Variants in PGBD5 observed in about 807,000 individuals in gnomAD.
The protein encoded by PGBD5 is piggyBac transposable element-derived protein 5.
Under a neutral mutation model 47.9 loss-of-function variants are expected in PGBD5, and 14 were observed. The observed-to-expected ratio is 0.29, with a 90% CI of 0.19 to 0.46. PGBD5 has a LOEUF of 0.46. PGBD5 is among the 20% of genes least tolerant of loss of function. The probability of loss-of-function intolerance (pLI) is 1.00; values close to 1 mark genes in which losing one functional copy is unlikely to be tolerated. For synonymous variants in PGBD5, 316 were observed against 306.3 expected (o/e 1.03, Z -0.33); for missense variants, 635 against 716.0 (o/e 0.89, Z 1.29).
At chr1:230,328,872 C>G (rs949444268) in intron 5 of PGBD5, among the ~76,000 whole-genome samples, 1 of 152,048 alleles carries the variant, frequency 6.6e-6, no homozygotes, top group African/African-American at 2.4e-5. Context: ...AGGTGGATTT[C>G]GAAAGAAAAG....
At chr1:230,330,999 C>A (rs1242194415) in intron 5 of PGBD5, among the ~76,000 whole-genome samples, 1 of 152,110 alleles carries the variant, frequency 6.6e-6, no homozygotes, top group African/African-American at 2.4e-5. Context: ...CATCTTAAAT[C>A]CTGGAGAGGA....
chr1:230,419,635 C>T (rs980696232), intron 1 of PGBD5, among the ~76,000 whole-genome samples: 8 of 152,134 alleles, frequency 5.3e-5, no homozygotes, highest in Non-Finnish European at 8.8e-5. Flanking sequence ...TGGTGGGCAT[C>T]GCATACCGGT....
intron 1 of PGBD5, among the ~76,000 whole-genome samples, chr1:230,410,914 G>A (rs1024470234): frequency 6.6e-6 from 1 of 152,128 alleles, no homozygotes; most frequent in Non-Finnish European, 1.5e-5. Flanking sequence ...GCCCAATTAA[G>A]CATAAGATAA....
At chr1:230,368,981 A>G (rs1178386421) in intron 1 of PGBD5, among the ~76,000 whole-genome samples, 1 of 152,254 alleles carries the variant, frequency 6.6e-6, no homozygotes, top group East Asian at 1.9e-4. Flanking sequence ...ACCCTATCTT[A>G]GCACTGAAAA....
chr1:230,333,130 G>A (rs1179173461), intron 4 of PGBD5, 89 bp from the exon 5 acceptor site: 6 of 1,353,066 alleles, frequency 4.4e-6, no homozygotes, highest in South Asian at 1.4e-5. Flanking sequence ...AGGAAAGGAC[G>A]GGACTGCCCG....
chr1:230,396,319 A>C (rs1571858099), intron 1 of PGBD5, among the ~76,000 whole-genome samples: 2 of 93,026 alleles, frequency 2.1e-5, no homozygotes, highest in African/African-American at 8.7e-5. Flanking sequence ...CTTTTACCCC[A>C]CACTCCTTCT....
intron 3 of PGBD5, among the ~76,000 whole-genome samples, chr1:230,344,769 C>T (rs1227483140): frequency 6.6e-6 from 1 of 152,170 alleles, no homozygotes; most frequent in South Asian, 2.1e-4. Flanking sequence ...TGCCCATCTA[C>T]TTCCGGAGTA....
chr1:230,336,554 C>T (rs1667327718), intron 4 of PGBD5, among the ~76,000 whole-genome samples: 1 of 152,172 alleles, frequency 6.6e-6, no homozygotes, highest in South Asian at 2.1e-4. Flanking sequence ...CTGAACTGGT[C>T]CAGATCTTCT....
At chr1:230,367,763 C>T (rs1233717022) in intron 1 of PGBD5, among the ~76,000 whole-genome samples, 1 of 152,140 alleles carries the variant, frequency 6.6e-6, no homozygotes, top group Non-Finnish European at 1.5e-5. Flanking sequence ...CCAACAATGT[C>T]CTTGACAGAA....
chr1:230,325,508 C>T, intron 5 of PGBD5, 93 bp from the exon 6 acceptor site: 1 of 856,268 alleles, frequency 1.2e-6, no homozygotes, highest in Non-Finnish European at 1.9e-6. Context: ...TTAGCTGCTC[C>T]CAACTTAATA....
chr1:230,328,958 A>T (rs1366139294), intron 5 of PGBD5, among the ~76,000 whole-genome samples: 1 of 151,846 alleles, frequency 6.6e-6, no homozygotes, highest in East Asian at 1.9e-4. Flanking sequence ...TTCTTGAGAC[A>T]GTCTCACTCT....
intron 1 of PGBD5, among the ~76,000 whole-genome samples, chr1:230,419,825 T>C (rs1657609749): frequency 6.6e-6 from 1 of 152,170 alleles, no homozygotes; most frequent in Non-Finnish European, 1.5e-5. Context: ...TGAGGATGTA[T>C]ATGTAAGCTT....
intron 5 of PGBD5, among the ~76,000 whole-genome samples, chr1:230,329,883 T>C (rs1228600427): frequency 6.6e-6 from 1 of 152,180 alleles, no homozygotes; most frequent in East Asian, 1.9e-4. Flanking sequence ...CAGGTGAACT[T>C]ATACTTATCT....
chr1:230,342,284 G>A (rs568642260), intron 3 of PGBD5, among the ~76,000 whole-genome samples: 26 of 152,288 alleles, frequency 1.7e-4, no homozygotes, highest in African/African-American at 5.5e-4. Context: ...AGCTATACTG[G>A]TCTTGACCAA....
At chr1:230,331,167 CT>C (rs1364042696) in intron 5 of PGBD5, among the ~76,000 whole-genome samples, 2 of 152,142 alleles carry the variant, frequency 1.3e-5, no homozygotes, top group Non-Finnish European at 2.9e-5. Flanking sequence ...ACACCCAGCA[CT>C]TTGGGAGGCT....
At chr1:230,344,087 C>T (rs1260793538) in intron 3 of PGBD5, among the ~76,000 whole-genome samples, 1 of 152,144 alleles carries the variant, frequency 6.6e-6, no homozygotes, top group Non-Finnish European at 1.5e-5. Context: ...AGATGCAGAC[C>T]ATCCTGGCTA....
At chr1:230,347,281 G>A (rs1183438269) in intron 3 of PGBD5, among the ~76,000 whole-genome samples, 33 of 152,058 alleles carry the variant, frequency 2.2e-4, no homozygotes. Flanking sequence ...TGGGAGAGTG[G>A]GAGAGTGGGA....
In PGBD5 at chr1:230,347,476, C is replaced by CTTTTTTTTTTTT. The variant is rs71733326; in HGVS notation, c.894+3470_894+3481dup. On this transcript the variant is annotated intron_variant, in intron 3 of 6. Coordinates refer to ENST00000391860, the MANE Select transcript of PGBD5 (RefSeq NM_001258311.2). Reference sequence around the variant, plus strand: ...ACAGCAATCATTTTCATTTTCTTTTCTTTTTTTTTTTTTTTTTTTTGAGAT... The same window carrying CTTTTTTTTTTTT: ...ACAGCAATCATTTTCATTTTCTTTTCTTTTTTTTTTTTTTTTTTTTTTTTTTTTTTTTGAGAT... Among the ~76,000 whole-genome samples the CTTTTTTTTTTTT allele has an allele frequency of 3.8e-4, 43 of 113,386 alleles. 1 individual carries two copies. Among genetic ancestry groups the CTTTTTTTTTTTT allele is most frequent in the Non-Finnish European group, 5.4e-4 (30 of 55,932 alleles). The allele number at this position is 113,386 out of a possible 152,430, so 74.4% of individuals were successfully genotyped here.
At chr1:230,369,691 T>C (rs559425829) in intron 1 of PGBD5, among the ~76,000 whole-genome samples, 1 of 151,786 alleles carries the variant, frequency 6.6e-6, no homozygotes, top group Non-Finnish European at 1.5e-5. Flanking sequence ...GTAGGAAGGG[T>C]CCATGGGCAG....
Sources: gnomAD v4.1 joint callset for allele counts (sites outside exome capture counted in the v4.1 genomes callset) on GRCh38, gnomAD v4.1.1 for gene constraint, MANE v1.5 for transcripts, NCBI Gene and HGNC (gene_info 2026-07-23, HGNC 2026-07-21) for gene names.